The following LRRC2 variants were observed in gnomAD, a reference collection of about 807,000 sequenced individuals.
The protein encoded by LRRC2 is leucine-rich repeat-containing protein 2.
LRRC2 carries 27 observed loss-of-function variants against 40.2 expected under a neutral mutation model. The observed-to-expected ratio is 0.67, with a 90% CI of 0.49 to 0.93. The LOEUF (loss-of-function observed/expected upper bound fraction) is 0.93, where lower values mean the gene tolerates loss of function less well. Among genes scored for constraint, LRRC2 ranks in the 40% least tolerant of loss-of-function variants. The probability of loss-of-function intolerance (pLI) is 0.00; values close to 1 mark genes in which losing one functional copy is unlikely to be tolerated. For synonymous variants in LRRC2, 147 were observed against 158.9 expected (o/e 0.92, Z 0.56); for missense variants, 402 against 439.6 (o/e 0.91, Z 0.76).
At chr3:46,522,259 C>T (rs967218756) in intron 7 of LRRC2, among the ~76,000 whole-genome samples, 13 of 151,874 alleles carry the variant, frequency 8.6e-5, no homozygotes, top group African/African-American at 3.1e-4. Flanking sequence ...CCTATAATCC[C>T]AGCTACTCAG....
At position 46,532,790 on chromosome 3, in the gene LRRC2, T is replaced by C; in HGVS notation, c.610A>G (p.Met204Val). The change falls in exon 5 of 9, where the codon ATG (methionine) becomes GTG (valine). Residue 204 changes from methionine (M) to valine (V), a missense_variant. Transcript: ENST00000395905. Reference protein sequence around the residue: ...RLDCSGNLELMELPFELSNLK... With the variant: ...RLDCSGNLELVELPFELSNLK... ...TCTCTTACTTCAAAGGGCAGCTCCATTAATTCTAGATTTCCAGAACAATCC... is the reference window on the plus strand; with the variant it reads ...TCTCTTACTTCAAAGGGCAGCTCCACTAATTCTAGATTTCCAGAACAATCC... 6.2e-7 allele frequency: 1 copy of C among 1,613,648 alleles called. No individual in the cohort carries two copies.
At chr3:46,519,587 TG>T (rs1703928861) in intron 8 of LRRC2, among the ~76,000 whole-genome samples, 1 of 152,214 alleles carries the variant, frequency 6.6e-6, no homozygotes, top group Non-Finnish European at 1.5e-5. Flanking sequence ...TCTATACCAA[TG>T]GCTCTCAAAG....
chr3:46,557,761 AGTCT>A (rs1220812823), intron 1 of LRRC2: 4 of 152,210 alleles, frequency 2.6e-5, no homozygotes, highest in Non-Finnish European at 5.9e-5. Flanking sequence ...TGGGCAGGCT[AGTCT>A]GGAGTTGCTG....
intron 4 of LRRC2, among the ~76,000 whole-genome samples, chr3:46,535,630 A>C (rs1050428519): frequency 2.5e-4 from 38 of 152,200 alleles, no homozygotes; most frequent in Non-Finnish European, 4.1e-4. Flanking sequence ...TCAAAGTTAG[A>C]TAACATCTTT....
At chr3:46,538,198 T>C (rs1438403925) in intron 4 of LRRC2, among the ~76,000 whole-genome samples, 2 of 152,204 alleles carry the variant, frequency 1.3e-5, no homozygotes, top group Non-Finnish European at 2.9e-5. Context: ...CCAGGGCACA[T>C]GTGTAAGAAT....
At chr3:46,526,455 T>C (rs953483133) in intron 7 of LRRC2, among the ~76,000 whole-genome samples, 14 of 152,204 alleles carry the variant, frequency 9.2e-5, no homozygotes, top group African/African-American at 1.2e-4. Flanking sequence ...GGTCCTCTTC[T>C]TATTCAAACA....
At chr3:46,540,317 G>A (rs909792523) in intron 3 of LRRC2, among the ~76,000 whole-genome samples, 4 of 152,166 alleles carry the variant, frequency 2.6e-5, no homozygotes, top group African/African-American at 7.2e-5. Flanking sequence ...CTGAGGTCAG[G>A]AGTTCGAGAC....
chr3:46,527,354 T>C, intron 7 of LRRC2, 72 bp downstream of exon 7: 1 of 1,521,286 alleles, frequency 6.6e-7, no homozygotes, highest in Admixed American at 1.8e-5. Context: ...TTGAGACAGC[T>C]GCCCAGGCTC....
At chr3:46,549,865 G>T (rs907895263) in intron 2 of LRRC2, among the ~76,000 whole-genome samples, 1 of 152,232 alleles carries the variant, frequency 6.6e-6, no homozygotes, top group African/African-American at 2.4e-5. Context: ...CCAGATGCTA[G>T]GTGTGCGGAG....
chr3:46,519,115 A>G, intron 8 of LRRC2, 52 bp from the exon 9 acceptor site: 1 of 1,245,326 alleles, frequency 8.0e-7, no homozygotes, highest in South Asian at 1.2e-5. Flanking sequence ...TTATTATGAA[A>G]TCTAGCTACG....
At chr3:46,547,787 T>TG (rs1243850590) in intron 2 of LRRC2, among the ~76,000 whole-genome samples, 1 of 151,986 alleles carries the variant, frequency 6.6e-6, no homozygotes, top group African/African-American at 2.4e-5. Context: ...GAAAGAGAAG[T>TG]GGGCTCCTCT....
intron 4 of LRRC2, among the ~76,000 whole-genome samples, chr3:46,536,876 G>A (rs1463044655): frequency 6.6e-6 from 1 of 152,192 alleles, no homozygotes; most frequent in African/African-American, 2.4e-5. Context: ...CATTTCAAGA[G>A]ATGAACAAAG....
At position 46,515,784 on chromosome 3, in the gene LRRC2, T is replaced by C. The variant is rs1703849065; in HGVS notation, c.*3230A>G. On this transcript the variant is annotated 3_prime_UTR_variant, in exon 9 of 9. Coordinates refer to ENST00000395905, the MANE Select transcript of LRRC2 (RefSeq NM_024512.5). Reference sequence around the variant, plus strand: ...GCCCCTCTTCAGATATATTTTCCACTTGGCCATATGTAACACATACCTTAG... The same window carrying C: ...GCCCCTCTTCAGATATATTTTCCACCTGGCCATATGTAACACATACCTTAG... 6.6e-6 allele frequency: 1 copy of C among 152,166 alleles called. No homozygotes were observed. The highest frequency in any genetic ancestry group is 6.5e-5 in the Admixed American group (1 of 15,280). The allele number at this position is 152,166 out of a possible 1,614,324, so 9.4% of individuals were successfully genotyped here.
chr3:46,524,789 T>C (rs1704026733), intron 7 of LRRC2, among the ~76,000 whole-genome samples: 1 of 152,206 alleles, frequency 6.6e-6, no homozygotes, highest in Admixed American at 6.5e-5. Flanking sequence ...TTTCTTTCTA[T>C]ATGCTATGTA....
In LRRC2 at chr3:46,545,126, TGA is replaced by T; in HGVS notation, c.251_252del (p.Leu84HisfsTer20). 1 of 1,614,170 alleles carries T rather than the reference TGA, an allele frequency of 6.2e-7. No individual in the cohort carries two copies. Among genetic ancestry groups the T allele is most frequent in the Non-Finnish European group, 8.5e-7 (1 of 1,180,034 alleles). ...RLLDKIERNT[L>X]TRQSSLPKDR... ...TCCTTGGGAAGTGAACTCTGCCTTG[TGA>T]GAGTGTTCCTTTCAATCTTGTCCAG... On this transcript the variant is annotated frameshift_variant, in exon 3 of 9. Coordinates refer to ENST00000395905, the MANE Select transcript of LRRC2 (RefSeq NM_024512.5). LOFTEE classifies it high-confidence loss of function.
rs1703845306 is a variant in LRRC2, at chr3:46,515,528, A to G, written c.*3486T>C. On this transcript the variant is annotated 3_prime_UTR_variant, in exon 9 of 9. Coordinates refer to ENST00000395905, the MANE Select transcript of LRRC2 (RefSeq NM_024512.5). ...TTTCAAATCTCCATATTTTCACAAG[A>G]TATATATTCTCCTTTGGAATCTTTC... The G allele has an allele frequency of 6.6e-6, 1 of 152,152 alleles. No individual in the cohort carries two copies. Among genetic ancestry groups the G allele is most frequent in the South Asian group, 2.1e-4 (1 of 4,832 alleles). The allele number at this position is 152,152 out of a possible 1,614,324, so 9.4% of individuals were successfully genotyped here.
chr3:46,517,675 C>G lies in LRRC2; in HGVS notation c.*1339G>C, dbSNP rs552885460. The G allele has an allele frequency of 6.6e-6, 1 of 152,186 alleles. No homozygotes were observed. Among genetic ancestry groups the G allele is most frequent in the Non-Finnish European group, 1.5e-5 (1 of 68,048 alleles). 9.4% of individuals were successfully genotyped at this position (152,186 alleles called of 1,614,324 possible). Reference sequence around the variant, plus strand: ...TGTTTAAGCTTATTTATCTTCAACACCATCAGCCACAACCTGTTTATTTTA... The same window carrying G: ...TGTTTAAGCTTATTTATCTTCAACAGCATCAGCCACAACCTGTTTATTTTA... On this transcript the variant is annotated 3_prime_UTR_variant, in exon 9 of 9. Coordinates refer to ENST00000395905, the MANE Select transcript of LRRC2 (RefSeq NM_024512.5).
Position 46,545,073 on chromosome 3 carries a change from C to T in LRRC2, c.306G>A (p.Val102=), listed in dbSNP as rs764429906. 3.7e-6 allele frequency: 6 copies of T among 1,613,140 alleles called. No homozygotes were observed. The highest frequency in any genetic ancestry group is 5.1e-6 in the Non-Finnish European group (6 of 1,179,920). ...TCCAGTGCTCCCCAGAAAGTTCAAA[C>T]ACAAACGCACTGCTCCGTTTGCCTC... ...KDRGKRSSAF[V]FELSGEHWTE... The change falls in exon 3 of 9, where the codon GTG becomes GTA. Residue 102 remains valine (V), a synonymous_variant. Coordinates refer to ENST00000395905, the MANE Select transcript of LRRC2 (RefSeq NM_024512.5).
At chr3:46,563,601 C>T (rs871636) in intron 1 of LRRC2, among the ~76,000 whole-genome samples, 57,787 of 152,088 alleles carry the variant, frequency 0.38, 11,271 homozygotes, top group East Asian at 0.63. Flanking sequence ...AAAGTAAACC[C>T]GCCTGTTATT....
Sources: allele counts gnomAD v4.1 joint callset (sites outside exome capture counted in the v4.1 genomes callset), GRCh38; gene constraint gnomAD v4.1.1; transcripts MANE v1.5; gene names NCBI Gene and HGNC (gene_info 2026-07-23, HGNC 2026-07-21).